The following ZBTB16 variants were observed in gnomAD, a reference collection of about 807,000 sequenced individuals.
ZBTB16 encodes zinc finger and BTB domain-containing protein 16.
A neutral mutation model predicts 56.8 loss-of-function variants in ZBTB16; 8 were observed. That is an observed-to-expected ratio of 0.14 (90% CI 0.08 to 0.25). ZBTB16 has a LOEUF of 0.25. ZBTB16 is among the 10% of genes least tolerant of loss of function. ZBTB16 has a pLI of 1.00. For missense variants in ZBTB16, 625 were observed against 903.0 expected (o/e 0.69, Z 3.95); for synonymous variants, 363 against 368.5 (o/e 0.98, Z 0.17).
chr11:114,245,056 G>A (rs1382953116), intron 5 of ZBTB16, among the ~76,000 whole-genome samples: 5 of 152,242 alleles, frequency 3.3e-5, no homozygotes, highest in Non-Finnish European at 7.3e-5. Flanking sequence ...AGGGCTGTGA[G>A]TGCAGACACA....
chr11:114,213,366 A>T (rs1944033985), intron 4 of ZBTB16, among the ~76,000 whole-genome samples: 1 of 152,218 alleles, frequency 6.6e-6, no homozygotes, highest in Non-Finnish European at 1.5e-5. Flanking sequence ...TCATTTAAAA[A>T]ATGCAATACA....
intron 4 of ZBTB16, among the ~76,000 whole-genome samples, chr11:114,219,660 TAA>T (rs35501585): frequency 3.0e-4 from 45 of 149,186 alleles, no homozygotes; most frequent in Middle Eastern, 3.4e-3. Context: ...AAAAAAAGCT[TAA>T]AAAAAAAAAG....
chr11:114,129,640 G>A (rs766937040), intron 2 of ZBTB16, among the ~76,000 whole-genome samples: 2 of 152,092 alleles, frequency 1.3e-5, no homozygotes, highest in African/African-American at 2.4e-5. Flanking sequence ...CTACTGACTG[G>A]CATGCTTGTG....
At position 114,253,108 on chromosome 11, in the gene ZBTB16, C is replaced by T. The variant is rs769845974; in HGVS notation, c.*2553C>T. ...CTTCCTCCTCTGGTCTGGGAAGAAGCGGGGACTGGCTGGCCCTCAGGGGAT... is the reference window on the plus strand; with the variant it reads ...CTTCCTCCTCTGGTCTGGGAAGAAGTGGGGACTGGCTGGCCCTCAGGGGAT... On this transcript the variant is annotated 3_prime_UTR_variant, in exon 7 of 7. Coordinates refer to ENST00000335953, the MANE Select transcript of ZBTB16 (RefSeq NM_006006.6). Among the ~76,000 whole-genome samples, 4 of 152,146 alleles carry T rather than the reference C, an allele frequency of 2.6e-5. No individual in the cohort carries two copies. Among genetic ancestry groups the T allele is most frequent in the East Asian group, 1.9e-4 (1 of 5,182 alleles).
At chr11:114,200,438 G>A (rs1943711777) in intron 4 of ZBTB16, among the ~76,000 whole-genome samples, 2 of 152,330 alleles carry the variant, frequency 1.3e-5, no homozygotes, top group East Asian at 1.9e-4. Context: ...TATTCAGAAC[G>A]TGGTCTGTGC....
At chr11:114,238,358 A>G (rs1234307120) in intron 4 of ZBTB16, among the ~76,000 whole-genome samples, 16 of 152,096 alleles carry the variant, frequency 1.1e-4, no homozygotes, top group Admixed American at 1.0e-3. Flanking sequence ...TGGGTGGCTT[A>G]TACACAGCAG....
chr11:114,203,734 C>T (rs147438555), intron 4 of ZBTB16, among the ~76,000 whole-genome samples: 276 of 152,310 alleles, frequency 1.8e-3, no homozygotes, highest in African/African-American at 5.4e-3. Flanking sequence ...CTGCAGGTAA[C>T]GCTTTGCATC....
At chr11:114,184,392 A>G (rs1052541852) in intron 3 of ZBTB16, among the ~76,000 whole-genome samples, 2 of 152,258 alleles carry the variant, frequency 1.3e-5, no homozygotes, top group African/African-American at 2.4e-5. Context: ...CTAGAAAAGT[A>G]GTGGAGTCAT....
intron 3 of ZBTB16, among the ~76,000 whole-genome samples, chr11:114,174,562 G>A (rs547057699): frequency 1.6e-4 from 24 of 152,206 alleles, no homozygotes; most frequent in Admixed American, 1.4e-3. Flanking sequence ...GAGCCTCCTA[G>A]CATCTCTCTC....
At chr11:114,236,832 GCTTATAATCTATTAGGCAGAGCTGA>G (rs1198851711) in intron 4 of ZBTB16, among the ~76,000 whole-genome samples, 1 of 152,188 alleles carries the variant, frequency 6.6e-6, no homozygotes, top group Admixed American at 6.5e-5. Flanking sequence ...TACTTTGGAG[GCTTATAATCTATTAGGCAGAGCTGA>G]AAGTCCAAAA....
chr11:114,188,506 G>T (rs979866079), intron 4 of ZBTB16: 1 of 152,228 alleles, frequency 6.6e-6, no homozygotes, highest in Non-Finnish European at 1.5e-5. Context: ...TAGCATTAGG[G>T]TTGTTGTGGG....
At chr11:114,193,153 G>A (rs1943537216) in intron 4 of ZBTB16, among the ~76,000 whole-genome samples, 1 of 152,220 alleles carries the variant, frequency 6.6e-6, no homozygotes, top group Non-Finnish European at 1.5e-5. Flanking sequence ...TCCTCAGCTG[G>A]AGGAGGGAGA....
chr11:114,093,744 G>C (rs1234853815), intron 2 of ZBTB16, among the ~76,000 whole-genome samples: 3 of 152,194 alleles, frequency 2.0e-5, no homozygotes, highest in Non-Finnish European at 2.9e-5. Flanking sequence ...CTGCTGCCTG[G>C]TTTCTCAGGA....
intron 2 of ZBTB16, among the ~76,000 whole-genome samples, chr11:114,138,917 C>G (rs899461443): frequency 6.6e-6 from 1 of 152,090 alleles, no homozygotes; most frequent in African/African-American, 2.4e-5. Flanking sequence ...TCTCGAACTC[C>G]TGACCTCAAG....
At chr11:114,096,375 A>G (rs1052494132) in intron 2 of ZBTB16, among the ~76,000 whole-genome samples, 9 of 152,222 alleles carry the variant, frequency 5.9e-5, no homozygotes, top group Non-Finnish European at 1.3e-4. Flanking sequence ...AGAGATACAC[A>G]CAAATTTTAT....
In ZBTB16 at chr11:114,235,791, C is replaced by CTTT. The variant is rs576028880; in HGVS notation, c.1454-6364_1454-6362dup. The stretch of plus-strand genomic sequence containing the variant: ...TTCGTTCCTTCCTTCCTTCCTTCTC[C>CTTT]TTTTTTTTTTTTTTGCTAAAATTAA... On this transcript the variant is annotated intron_variant, in intron 4 of 6. Transcript: ENST00000335953. 6.2e-4 allele frequency among the ~76,000 whole-genome samples: 72 copies of CTTT among 115,306 alleles called. 1 individual carries two copies. Among genetic ancestry groups the CTTT allele is most frequent in the African/African-American group, 2.5e-3 (70 of 27,594 alleles). 75.6% of individuals were successfully genotyped at this position (115,306 alleles called of 152,430 possible). A position where few individuals can be genotyped will look rare whatever the true frequency, so the allele number is the denominator to read the frequency against.
intron 5 of ZBTB16, among the ~76,000 whole-genome samples, chr11:114,245,595 A>G (rs1345523156): frequency 6.6e-6 from 1 of 152,128 alleles, no homozygotes; most frequent in Admixed American, 6.5e-5. Context: ...GAGAGACAGG[A>G]GAGAGTAAAA....
In ZBTB16 at chr11:114,064,329, C is replaced by G. The variant is rs145655784; in HGVS notation, c.1029C>G (p.Asp343Glu). ...CCGTGTTGCCCAACCACAAGGCTGACGCTGTATTGAGCATGCCGTCTTCCG... is the reference window on the plus strand; with the variant it reads ...CCGTGTTGCCCAACCACAAGGCTGAGGCTGTATTGAGCATGCCGTCTTCCG... ...IYSVLPNHKA[D>E]AVLSMPSSVT... Residue 343 changes from aspartate (D) to glutamate (E), a missense_variant, in exon 2 of 7, where the codon GAC becomes GAG. Coordinates refer to ENST00000335953, the MANE Select transcript of ZBTB16 (RefSeq NM_006006.6). The surrounding 1 kb of genome is among the most constrained non-coding windows in gnomAD (Gnocchi z 4.2). 1 of 1,614,114 alleles carries G rather than the reference C, an allele frequency of 6.2e-7. No individual in the cohort carries two copies. The highest frequency in any genetic ancestry group is 8.5e-7 in the Non-Finnish European group (1 of 1,180,040).
intron 2 of ZBTB16, among the ~76,000 whole-genome samples, chr11:114,141,955 C>T (rs954617995): frequency 3.9e-5 from 6 of 152,230 alleles, no homozygotes; most frequent in Non-Finnish European, 8.8e-5. Flanking sequence ...TCACCAATAT[C>T]ATCTAAACGT....
Sources: gnomAD v4.1 joint callset for allele counts (sites outside exome capture counted in the v4.1 genomes callset) on GRCh38, gnomAD v4.1.1 for gene constraint, Gnocchi (gnomAD v3.1) non-coding constraint, MANE v1.5 for transcripts, NCBI Gene and HGNC (gene_info 2026-07-23, HGNC 2026-07-21) for gene names.